AGBL1: variants seen among roughly 807,000 people sequenced by gnomAD.
AGBL1 encodes the protein cytosolic carboxypeptidase 4.
AGBL1 carries 130 observed loss-of-function variants against 118.9 expected under a neutral mutation model. That is an observed-to-expected ratio of 1.09 (90% CI 0.95 to 1.26). The LOEUF (loss-of-function observed/expected upper bound fraction) is 1.26, where lower values mean the gene tolerates loss of function less well. AGBL1 is among the 50% of genes most tolerant of loss of function. The probability of loss-of-function intolerance (pLI) is 0.00; values close to 1 mark genes in which losing one functional copy is unlikely to be tolerated. For missense variants in AGBL1, 1,584 were observed against 1,298.1 expected, an observed-to-expected ratio of 1.22 and a Z score of -3.38; for synonymous variants, 555 against 478.9, an observed-to-expected ratio of 1.16 and a Z score of -2.08.
chr15:86,994,376 G>A (rs1038414861), intron 24 of AGBL1, among the ~76,000 whole-genome samples: 4 of 152,014 alleles, frequency 2.6e-5, no homozygotes, highest in Non-Finnish European at 4.4e-5. Flanking sequence ...GGGCACAGCC[G>A]GGCACAGACT....
In AGBL1 at chr15:86,827,989, G is replaced by A. The variant is rs542313301; in HGVS notation, c.3159-79098G>A. Among the ~76,000 whole-genome samples the A allele has an allele frequency of 8.2e-4, 62 of 75,168 alleles. No homozygotes were observed. The South Asian group carries it at 0.016, about 19-fold the overall frequency. 49.3% of individuals were successfully genotyped at this position (75,168 alleles called of 152,430 possible). On this transcript the variant is annotated intron_variant, in intron 22 of 22. Transcript: ENST00000614907. ...AGTATCTTGTTTTGTCACCCGGGCT[G>A]GAGTGCAGTTGTGTGATCATAGTCA...
intron 22 of AGBL1, among the ~76,000 whole-genome samples, chr15:86,905,218 G>A (rs780569088): frequency 1.3e-5 from 2 of 152,126 alleles, no homozygotes; most frequent in Non-Finnish European, 2.9e-5. Flanking sequence ...CTTGATGCGC[G>A]GGAGAACTGC....
At chr15:86,237,125 A>G (rs1358095060) in intron 6 of AGBL1, among the ~76,000 whole-genome samples, 1 of 152,202 alleles carries the variant, frequency 6.6e-6, no homozygotes, top group Non-Finnish European at 1.5e-5. Context: ...TTCTGGAGCT[A>G]CTTTAAAAGA....
chr15:86,513,913 C>T (rs987047005), intron 18 of AGBL1, among the ~76,000 whole-genome samples: 1 of 152,024 alleles, frequency 6.6e-6, no homozygotes, highest in African/African-American at 2.4e-5. Context: ...AAAAATACTT[C>T]CTTATTTTTT....
At chr15:86,998,474 A>G (rs906378657) in intron 24 of AGBL1, among the ~76,000 whole-genome samples, 2 of 152,186 alleles carry the variant, frequency 1.3e-5, no homozygotes, top group African/African-American at 4.8e-5. Context: ...GCTGAGACTT[A>G]CATGAGGCTG....
chr15:86,602,997 C>T (rs1159930658), intron 21 of AGBL1, among the ~76,000 whole-genome samples: 1 of 152,092 alleles, frequency 6.6e-6, no homozygotes, highest in Non-Finnish European at 1.5e-5. Context: ...ACTTGACTTG[C>T]AATTGTAGAT....
intron 17 of AGBL1, among the ~76,000 whole-genome samples, chr15:86,317,726 T>C (rs1421488980): frequency 2.6e-5 from 4 of 152,144 alleles, no homozygotes; most frequent in African/African-American, 7.2e-5. Context: ...TGCCAGAAGA[T>C]CTCTTTTTCA....
At chr15:86,288,921 T>C (rs1025763532) in intron 16 of AGBL1, among the ~76,000 whole-genome samples, 5 of 152,132 alleles carry the variant, frequency 3.3e-5, no homozygotes, top group Non-Finnish European at 5.9e-5. Flanking sequence ...AATTGTGCCC[T>C]TTATCAAAAT....
chr15:86,515,054 C>T (rs1290965215), intron 18 of AGBL1, among the ~76,000 whole-genome samples: 1 of 152,086 alleles, frequency 6.6e-6, no homozygotes, highest in Non-Finnish European at 1.5e-5. Flanking sequence ...CCTTTGTATG[C>T]TAATATTGTA....
At chr15:86,494,371 A>G (rs1265865432) in intron 18 of AGBL1, among the ~76,000 whole-genome samples, 1 of 152,058 alleles carries the variant, frequency 6.6e-6, no homozygotes, top group Non-Finnish European at 1.5e-5. Flanking sequence ...TATAAAGTGT[A>G]GAATTTTGTA....
chr15:86,547,267 C>A (rs2083596002), intron 20 of AGBL1, among the ~76,000 whole-genome samples: 1 of 152,040 alleles, frequency 6.6e-6, no homozygotes, highest in Admixed American at 6.6e-5. Context: ...GTGGACCCAA[C>A]CCATATAAAA....
chr15:86,088,031 G>C (rs1895777937), intron 1 of AGBL1: 1 of 152,372 alleles, frequency 6.6e-6, no homozygotes, highest in Non-Finnish European at 1.5e-5. Flanking sequence ...TTCAGGCTTT[G>C]TAGGCCATAC....
chr15:86,997,892 CACACACACA>C (rs1567278934), intron 24 of AGBL1, among the ~76,000 whole-genome samples: 52 of 28,590 alleles, frequency 1.8e-3, no homozygotes, highest in South Asian at 0.013. Context: ...ATGTGGAAGA[CACACACACA>C]CACACACACA....
At chr15:86,188,735 A>G (rs1023169824) in intron 5 of AGBL1, among the ~76,000 whole-genome samples, 2 of 152,182 alleles carry the variant, frequency 1.3e-5, no homozygotes, top group African/African-American at 4.8e-5. Context: ...CTTCTTAGAC[A>G]TGTGCCTACA....
At chr15:86,394,854 A>T (rs1290861159) in intron 17 of AGBL1, among the ~76,000 whole-genome samples, 1 of 152,172 alleles carries the variant, frequency 6.6e-6, no homozygotes, top group African/African-American at 2.4e-5. Flanking sequence ...GTAACACTTA[A>T]ATGTCACTGG....
intron 5 of AGBL1, among the ~76,000 whole-genome samples, chr15:86,172,895 C>T (rs2077434620): frequency 6.6e-6 from 1 of 151,866 alleles, no homozygotes; most frequent in Admixed American, 6.6e-5. Context: ...GCATGATAGT[C>T]CTATTTTTAG....
At chr15:86,572,432 C>G (rs968415318) in intron 21 of AGBL1, among the ~76,000 whole-genome samples, 1 of 152,192 alleles carries the variant, frequency 6.6e-6, no homozygotes, top group Non-Finnish European at 1.5e-5. Context: ...TGTACCATAC[C>G]GTGCTGCTCT....
chr15:86,322,294 G>A lies in AGBL1; in HGVS notation c.2374+26886G>A, dbSNP rs921624581. 2.6e-5 allele frequency among the ~76,000 whole-genome samples: 4 copies of A among 151,370 alleles called. No homozygotes were observed. The South Asian group carries it at 6.3e-4, about 24-fold the overall frequency. On this transcript the variant is annotated intron_variant, in intron 17 of 22. Coordinates refer to ENST00000614907, the MANE Select transcript of AGBL1 (RefSeq NM_001386094.1). ...ACAAGAGATTTGATATTTTTTTCTT[G>A]TTAACAGTTTTTCTTTACCTATTTT... is the stretch of plus-strand genomic sequence containing the variant.
intron 17 of AGBL1, among the ~76,000 whole-genome samples, chr15:86,392,043 T>C (rs2081295609): frequency 1.3e-5 from 2 of 152,134 alleles, no homozygotes; most frequent in South Asian, 4.1e-4. Context: ...TGACATATGA[T>C]TGTTATTCTC....
Sources: allele counts gnomAD v4.1 joint callset (sites outside exome capture counted in the v4.1 genomes callset), GRCh38; gene constraint gnomAD v4.1.1; transcripts MANE v1.5; gene names NCBI Gene and HGNC (gene_info 2026-07-23, HGNC 2026-07-21).